CACNA2D3: variants seen among roughly 807,000 people sequenced by gnomAD.
CACNA2D3 encodes voltage-dependent calcium channel subunit alpha-2/delta-3.
CACNA2D3 carries 60 observed loss-of-function variants against 160.6 expected under a neutral mutation model. The ratio of observed to expected loss-of-function variants is 0.37; its 90% confidence interval spans 0.30 to 0.46. The LOEUF (loss-of-function observed/expected upper bound fraction) is 0.46, where lower values mean the gene tolerates loss of function less well. Ranked by LOEUF, CACNA2D3 falls within the 20% of genes least tolerant of loss-of-function variation. The probability of loss-of-function intolerance (pLI) is 1.00; values close to 1 mark genes in which losing one functional copy is unlikely to be tolerated. For synonymous variants in CACNA2D3, 558 were observed against 492.9 expected, an observed-to-expected ratio of 1.13 and a Z score of -1.75; for missense variants, 1,205 against 1,365.0, an observed-to-expected ratio of 0.88 and a Z score of 1.85.
chr3:54,261,873 T>C (rs1056671835), intron 2 of CACNA2D3, among the ~76,000 whole-genome samples: 1 of 152,070 alleles, frequency 6.6e-6, no homozygotes, highest in African/African-American at 2.4e-5. Context: ...CTGGAAAACA[T>C]GGAATGCGTG....
At chr3:54,352,875 C>A (rs1698588591) in intron 3 of CACNA2D3, among the ~76,000 whole-genome samples, 1 of 151,964 alleles carries the variant, frequency 6.6e-6, no homozygotes, top group Non-Finnish European at 1.5e-5. Context: ...ATTTTTAATT[C>A]TTGTGGGTAC....
chr3:54,638,952 T>G (rs1475601976), intron 10 of CACNA2D3: 2 of 152,022 alleles, frequency 1.3e-5, no homozygotes, highest in African/African-American at 4.8e-5. Flanking sequence ...GGTGGAAGCT[T>G]GCCCATAGTG....
chr3:54,958,775 C>T (rs77079397), intron 27 of CACNA2D3, among the ~76,000 whole-genome samples: 6,572 of 151,832 alleles, frequency 0.043, 217 homozygotes, highest in Non-Finnish European at 0.063. Context: ...TTCTGTGTAA[C>T]CCCCAGCCTA....
intron 2 of CACNA2D3, among the ~76,000 whole-genome samples, chr3:54,293,107 G>A (rs1028824756): frequency 2.0e-5 from 3 of 152,190 alleles, no homozygotes; most frequent in Non-Finnish European, 4.4e-5. Flanking sequence ...CTACTTATAC[G>A]AAGTACCTGG....
At chr3:54,271,789 A>G (rs1702627024) in intron 2 of CACNA2D3, among the ~76,000 whole-genome samples, 1 of 152,006 alleles carries the variant, frequency 6.6e-6, no homozygotes. Context: ...CCCTGCTGTC[A>G]CCTGTCAGTG....
intron 4 of CACNA2D3, among the ~76,000 whole-genome samples, chr3:54,474,184 G>T (rs1700787058): frequency 6.6e-6 from 1 of 152,188 alleles, no homozygotes; most frequent in South Asian, 2.1e-4. Context: ...TAAAGAAAAT[G>T]TAGCACATAT....
chr3:54,402,324 A>G (rs1477114033), intron 4 of CACNA2D3, among the ~76,000 whole-genome samples: 1 of 152,202 alleles, frequency 6.6e-6, no homozygotes, highest in East Asian at 1.9e-4. Context: ...TTCTCCAACC[A>G]AAAGACATAG....
chr3:54,218,439 T>C (rs961128310), intron 2 of CACNA2D3, among the ~76,000 whole-genome samples: 3 of 152,250 alleles, frequency 2.0e-5, no homozygotes, highest in African/African-American at 7.2e-5. Context: ...TGTCTTGGTA[T>C]TGAAAGCTGG....
intron 11 of CACNA2D3, among the ~76,000 whole-genome samples, chr3:54,727,766 G>T (rs1021207099): frequency 2.0e-5 from 3 of 152,162 alleles, no homozygotes; most frequent in Non-Finnish European, 2.9e-5. Context: ...AGTGGCTGGT[G>T]GGGGCAGGGA....
chr3:54,218,999 C>T (rs545430150), intron 2 of CACNA2D3, among the ~76,000 whole-genome samples: 21 of 152,308 alleles, frequency 1.4e-4, no homozygotes, highest in Admixed American at 1.4e-3. Flanking sequence ...TGTAATATTA[C>T]TTACATATTC....
chr3:54,257,488 A>G (rs1402306896), intron 2 of CACNA2D3, among the ~76,000 whole-genome samples: 1 of 150,770 alleles, frequency 6.6e-6, no homozygotes, highest in Non-Finnish European at 1.5e-5. Context: ...CCCACCAGCT[A>G]TTTTTTTTTC....
At chr3:54,836,058 A>C (rs1170040968) in intron 14 of CACNA2D3, among the ~76,000 whole-genome samples, 1 of 152,100 alleles carries the variant, frequency 6.6e-6, no homozygotes, top group Non-Finnish European at 1.5e-5. Flanking sequence ...CCATGTTCCA[A>C]GACTCTGTTT....
At chr3:54,490,861 C>T (rs1431081618) in intron 4 of CACNA2D3, among the ~76,000 whole-genome samples, 1 of 152,144 alleles carries the variant, frequency 6.6e-6, no homozygotes, top group Non-Finnish European at 1.5e-5. Flanking sequence ...TTGAGCCCTG[C>T]AGGTGTGATG....
chr3:54,507,931 G>A (rs1029268609), intron 5 of CACNA2D3, among the ~76,000 whole-genome samples: 8 of 152,240 alleles, frequency 5.3e-5, no homozygotes, highest in African/African-American at 1.7e-4. Flanking sequence ...ATGGCACATG[G>A]TGTCCATCCA....
chr3:54,265,561 GTGTGTATATA>G (rs1702485879), intron 2 of CACNA2D3, among the ~76,000 whole-genome samples: 2 of 74,370 alleles, frequency 2.7e-5, no homozygotes, highest in African/African-American at 1.3e-4. Context: ...TGTGTGTATA[GTGTGTATATA>G]TATAGTGTGT....
In CACNA2D3 at chr3:54,753,155, C is replaced by T. The variant is rs143700831; in HGVS notation, c.1246+478C>T. ...TCATTACAGGCATGAGCCACTATGCCCAGTGCCAAATTTTGAGGACATAGT... is the reference window on the plus strand; with the variant it reads ...TCATTACAGGCATGAGCCACTATGCTCAGTGCCAAATTTTGAGGACATAGT... On this transcript the variant is annotated intron_variant, in intron 12 of 37. Coordinates refer to ENST00000474759, the MANE Select transcript of CACNA2D3 (RefSeq NM_018398.3). Among the ~76,000 whole-genome samples the T allele has an allele frequency of 4.4e-3, 672 of 152,292 alleles. 7 individuals carry two copies. The highest frequency in any genetic ancestry group is 0.015 in the African/African-American group (630 of 41,560).
chr3:54,302,542 G>C (rs1440198839), intron 2 of CACNA2D3, among the ~76,000 whole-genome samples: 1 of 152,068 alleles, frequency 6.6e-6, no homozygotes, highest in Admixed American at 6.5e-5. Flanking sequence ...TGGTCTTCCA[G>C]GCTGTTTGCT....
chr3:54,983,132 A>G (rs535947364), intron 29 of CACNA2D3, among the ~76,000 whole-genome samples: 9 of 152,282 alleles, frequency 5.9e-5, no homozygotes, highest in Non-Finnish European at 1.0e-4. Context: ...TTATGACCCA[A>G]TGTAGACTAG....
chr3:54,503,584 C>T lies in CACNA2D3; in HGVS notation c.474C>T (p.Asp158=), dbSNP rs770506963. 3.1e-6 allele frequency: 5 copies of T among 1,613,664 alleles called. No homozygotes were observed. The South Asian group carries it at 3.3e-5, about 11-fold the overall frequency. Residue 158 remains aspartate, a synonymous_variant, in exon 5 of 38, where the codon GAC becomes GAT. Coordinates refer to ENST00000474759, the MANE Select transcript of CACNA2D3 (RefSeq NM_018398.3). ...LGKEFILAPN[D]HFNNLPVNIS... ...AGGAATTCATCTTAGCCCCAAATGA[C>T]CATTTTAATAATTTGCCTGTGAACA...
Sources: allele counts gnomAD v4.1 joint callset (sites outside exome capture counted in the v4.1 genomes callset), GRCh38; gene constraint gnomAD v4.1.1; transcripts MANE v1.5; gene names NCBI Gene and HGNC (gene_info 2026-07-23, HGNC 2026-07-21).